The following CNTNAP5 variants were observed in gnomAD, a reference collection of about 807,000 sequenced individuals.
CNTNAP5 encodes the protein contactin-associated protein-like 5.
A neutral mutation model predicts 150.2 loss-of-function variants in CNTNAP5; 72 were observed. The ratio of observed to expected loss-of-function variants is 0.48; its 90% CI spans 0.40 to 0.58. The LOEUF is 0.58. CNTNAP5 is among the 20% of genes least tolerant of loss of function. The pLI is 0.00. For missense variants in CNTNAP5, 1,636 were observed against 1,626.2 expected (o/e 1.01, Z -0.10); for synonymous variants, 672 against 619.8 (o/e 1.08, Z -1.25).
At chr2:124,724,144 A>AAATAAT (rs60984074) in intron 13 of CNTNAP5, among the ~76,000 whole-genome samples, 26,630 of 145,490 alleles carry the variant, frequency 0.18, 2,906 homozygotes, top group Non-Finnish European at 0.24. Flanking sequence ...ACTCCATCTC[A>AAATAAT]AATAATAATA....
At chr2:124,451,077 T>TATATACAC (rs755084840) in intron 6 of CNTNAP5, among the ~76,000 whole-genome samples, 237 of 61,244 alleles carry the variant, frequency 3.9e-3, no homozygotes, top group South Asian at 5.6e-3. Context: ...TATATATATA[T>TATATACAC]ACACACACAC....
chr2:124,120,627 C>T (rs1249592489), intron 1 of CNTNAP5, among the ~76,000 whole-genome samples: 1 of 152,140 alleles, frequency 6.6e-6, no homozygotes, highest in Non-Finnish European at 1.5e-5. Flanking sequence ...ACCAACCAAA[C>T]CACGTAAGGA....
In CNTNAP5 at chr2:124,814,121, T is replaced by A. The variant is rs187324648; in HGVS notation, c.3217+15801T>A. Among the ~76,000 whole-genome samples, 59 of 152,234 alleles carry A rather than the reference T, an allele frequency of 3.9e-4. No individual in the cohort carries two copies. The South Asian group carries it at 6.8e-3, about 18-fold the overall frequency. ...TATTCTCTGAAGTTTCCTTTTTTTT[T>A]TATGATTCTTACACCCCACTATACT... On this transcript the variant is annotated intron_variant, in intron 19 of 23. Coordinates refer to ENST00000682447, the MANE Select transcript of CNTNAP5 (RefSeq NM_001367498.1).
At chr2:124,132,388 G>A (rs1283241981) in intron 1 of CNTNAP5, among the ~76,000 whole-genome samples, 2 of 152,140 alleles carry the variant, frequency 1.3e-5, no homozygotes, top group African/African-American at 4.8e-5. Flanking sequence ...AACTATTAGA[G>A]TTAAGATTTT....
intron 1 of CNTNAP5, among the ~76,000 whole-genome samples, chr2:124,171,868 G>T (rs945929716): frequency 2.0e-5 from 3 of 152,186 alleles, no homozygotes; most frequent in South Asian, 4.1e-4. Context: ...ATGTAAGCCA[G>T]TCTCTTTCGG....
intron 3 of CNTNAP5, among the ~76,000 whole-genome samples, chr2:124,266,134 A>G (rs1687601352): frequency 6.6e-6 from 1 of 152,132 alleles, no homozygotes; most frequent in African/African-American, 2.4e-5. Flanking sequence ...GACTGATGAT[A>G]TGTTAAGCCC....
At chr2:124,427,734 G>A (rs1004162854) in intron 4 of CNTNAP5, among the ~76,000 whole-genome samples, 1 of 152,094 alleles carries the variant, frequency 6.6e-6, no homozygotes, top group East Asian at 1.9e-4. Context: ...TGGGATTACA[G>A]GTGTGAGCCA....
intron 1 of CNTNAP5, among the ~76,000 whole-genome samples, chr2:124,182,152 C>A (rs887221638): frequency 6.6e-6 from 1 of 152,092 alleles, no homozygotes; most frequent in Non-Finnish European, 1.5e-5. Flanking sequence ...GAATTGGGAG[C>A]GCACTTTTAG....
chr2:124,453,916 A>T (rs1662814738), intron 6 of CNTNAP5, among the ~76,000 whole-genome samples: 1 of 149,798 alleles, frequency 6.7e-6, no homozygotes, highest in African/African-American at 2.4e-5. Context: ...GGAAACACAT[A>T]AAAAAAAAGA....
intron 1 of CNTNAP5, among the ~76,000 whole-genome samples, chr2:124,045,269 A>G (rs1558736202): frequency 6.7e-6 from 1 of 149,292 alleles, no homozygotes; most frequent in Non-Finnish European, 1.5e-5. Flanking sequence ...GTCTTTCGCC[A>G]AACTTTGATT....
intron 4 of CNTNAP5, among the ~76,000 whole-genome samples, chr2:124,419,150 A>AAAAAAAAAAAAAAAAAC (rs1558893392): frequency 1.5e-5 from 2 of 137,706 alleles, no homozygotes; most frequent in African/African-American, 2.8e-5. Context: ...CAAAAAAAAA[A>AAAAAAAAAAAAAAAAAC]AAAAAAAAAA....
chr2:124,451,245 A>C (rs556064571), intron 6 of CNTNAP5, among the ~76,000 whole-genome samples: 3 of 151,320 alleles, frequency 2.0e-5, no homozygotes, highest in Admixed American at 2.0e-4. Context: ...AGTCAAAAAA[A>C]CAAACAAAAA....
chr2:124,139,439 A>C, intron 1 of CNTNAP5, among the ~76,000 whole-genome samples: 1 of 152,140 alleles, frequency 6.6e-6, no homozygotes, highest in East Asian at 1.9e-4. Context: ...CCCCTTGAAA[A>C]GCAGGAGAGT....
At chr2:124,530,039 C>T (rs1175544479) in intron 10 of CNTNAP5, among the ~76,000 whole-genome samples, 1 of 152,140 alleles carries the variant, frequency 6.6e-6, no homozygotes, top group Non-Finnish European at 1.5e-5. Flanking sequence ...TGGCCGGGCA[C>T]GGTTGCTCAC....
At chr2:124,071,649 A>T (rs1682307775) in intron 1 of CNTNAP5, among the ~76,000 whole-genome samples, 2 of 151,932 alleles carry the variant, frequency 1.3e-5, no homozygotes, top group South Asian at 4.1e-4. Context: ...GCCTGCCAAG[A>T]TTGAACCATG....
intron 1 of CNTNAP5, among the ~76,000 whole-genome samples, chr2:124,125,919 T>C (rs930906498): frequency 6.6e-6 from 1 of 152,162 alleles, no homozygotes; most frequent in Non-Finnish European, 1.5e-5. Context: ...AAGCAGTATG[T>C]AGAGGGAAAT....
chr2:124,388,930 A>G (rs1018204127), intron 3 of CNTNAP5, among the ~76,000 whole-genome samples: 26 of 152,124 alleles, frequency 1.7e-4, no homozygotes, highest in African/African-American at 5.8e-4. Flanking sequence ...CGTTATTCCT[A>G]CAGCCTCACA....
intron 1 of CNTNAP5, among the ~76,000 whole-genome samples, chr2:124,155,293 G>C (rs1051877858): frequency 6.6e-6 from 1 of 151,868 alleles, no homozygotes; most frequent in African/African-American, 2.4e-5. Flanking sequence ...TGCTCTAAAC[G>C]TTTTCAGTTC....
At chr2:124,542,655 CTCT>C (rs1695414503) in intron 10 of CNTNAP5, among the ~76,000 whole-genome samples, 1 of 152,132 alleles carries the variant, frequency 6.6e-6, no homozygotes, top group Non-Finnish European at 1.5e-5. Flanking sequence ...ACTGCTCACA[CTCT>C]TCTTTGCTTA....
Sources: allele counts gnomAD v4.1 joint callset (sites outside exome capture counted in the v4.1 genomes callset), GRCh38; gene constraint gnomAD v4.1.1; transcripts MANE v1.5; gene names NCBI Gene and HGNC (gene_info 2026-07-23, HGNC 2026-07-21).